ITFG2: variants seen among roughly 807,000 people sequenced by gnomAD.
ITFG2 encodes the protein KICSTOR complex protein ITFG2.
A neutral mutation model predicts 54.4 loss-of-function variants in ITFG2; 36 were observed. The ratio of observed to expected loss-of-function variants is 0.66; its 90% confidence interval spans 0.51 to 0.87. ITFG2 has a LOEUF of 0.87. ITFG2 is among the 40% of genes least tolerant of loss of function. The pLI, the probability that ITFG2 is intolerant of heterozygous loss-of-function variation, is 0.00. For synonymous variants in ITFG2, 211 were observed against 225.4 expected (o/e 0.94, Z 0.57); for missense variants, 524 against 576.7 (o/e 0.91, Z 0.94).
intron 2 of ITFG2, among the ~76,000 whole-genome samples, chr12:2,844,782 G>C (rs1001547576): frequency 2.0e-5 from 3 of 152,046 alleles, no homozygotes; most frequent in Non-Finnish European, 2.9e-5. Context: ...GTGATACTCA[G>C]ACTAAAGAAG....
intron 1 of ITFG2, among the ~76,000 whole-genome samples, chr12:2,839,535 G>A (rs1465335335): frequency 2.0e-5 from 3 of 152,152 alleles, no homozygotes; most frequent in Admixed American, 6.5e-5. Context: ...TGGCTCCTTC[G>A]CTGCATTGGT....
At chr12:2,831,653 C>T (rs1232705834), downstream of ITFG2, among the ~76,000 whole-genome samples, 2 of 152,138 alleles carry the variant, frequency 1.3e-5, no homozygotes, top group Non-Finnish European at 2.9e-5. Context: ...ACCTGTCCCT[C>T]ATCTACAACC....
intron 1 of ITFG2, among the ~76,000 whole-genome samples, chr12:2,816,961 T>G (rs1603482630): frequency 6.6e-6 from 1 of 152,298 alleles, no homozygotes; most frequent in East Asian, 1.9e-4. Context: ...TGGCAAATTT[T>G]TAAATTTTTT....
chr12:2,858,799 C>T, intron 3 of ITFG2: 1 of 1,614,190 alleles, frequency 6.2e-7, no homozygotes, highest in Non-Finnish European at 8.5e-7. Flanking sequence ...GCTGCAAGGC[C>T]AGAAACCTGT....
intron 1 of ITFG2, among the ~76,000 whole-genome samples, chr12:2,837,648 C>A (rs2098031864): frequency 6.6e-6 from 1 of 151,448 alleles, no homozygotes; most frequent in Non-Finnish European, 1.5e-5. Flanking sequence ...AAAAAAAAAA[C>A]CCAAAAAACA....
intron 1 of ITFG2, among the ~76,000 whole-genome samples, chr12:2,815,710 T>C: frequency 6.6e-6 from 1 of 152,232 alleles, no homozygotes; most frequent in Non-Finnish European, 1.5e-5. Context: ...GTCAGGCATG[T>C]GTAACCTAGA....
At chr12:2,827,376 T>C (rs1044549462), downstream of ITFG2, 4 of 1,539,508 alleles carry the variant, frequency 2.6e-6, no homozygotes, top group Admixed American at 4.5e-5. The surrounding 1 kb of genome is among the most constrained non-coding windows in gnomAD (Gnocchi z 4.0). Flanking sequence ...TTGTTCCCCC[T>C]CCCACTTCCC....
chr12:2,833,282 G>C (rs1333250424), upstream of ITFG2, among the ~76,000 whole-genome samples: 2 of 152,112 alleles, frequency 1.3e-5, no homozygotes, highest in Non-Finnish European at 2.9e-5. Flanking sequence ...CAGCCATTGA[G>C]AGCCGAAGAA....
chr12:2,821,892 C>A, intron 9 of ITFG2, 100 bp downstream of exon 9: 2 of 829,916 alleles, frequency 2.4e-6, no homozygotes, highest in South Asian at 1.6e-5. Flanking sequence ...AGGGAACTCC[C>A]AACCTTTATC....
At chr12:2,828,145 AC>A, downstream of ITFG2, 1 of 1,265,004 alleles carries the variant, frequency 7.9e-7, no homozygotes, top group South Asian at 1.3e-5. Context: ...TTCATCTCCA[AC>A]CCCTGACCTC....
At position 2,820,881 on chromosome 12, in the gene ITFG2, G is replaced by T. The variant is rs1292438354; in HGVS notation, c.695+9G>T. The T allele has an allele frequency of 2.5e-6, 4 of 1,613,652 alleles. No homozygotes were observed. The highest frequency in any genetic ancestry group is 3.4e-6 in the Non-Finnish European group (4 of 1,179,688). On this transcript the variant is annotated intron_variant, in intron 6 of 11. Transcript: ENST00000228799. Reference sequence around the variant, plus strand: ...CCCACGGATGGTAGTAGGTAAGGGGGTACAGGCCAGTGGATGGTGTGGGGG... The same window carrying T: ...CCCACGGATGGTAGTAGGTAAGGGGTTACAGGCCAGTGGATGGTGTGGGGG...
intron 10 of ITFG2, 63 bp from the exon 11 acceptor site, chr12:2,823,707 G>C (rs1042421637): frequency 3.9e-5 from 59 of 1,497,556 alleles, no homozygotes; most frequent in Non-Finnish European, 4.5e-5. Flanking sequence ...GTGTCTTGCT[G>C]TCTGCCCCCC....
chr12:2,858,776 CAG>C, intron 3 of ITFG2: 2 of 1,614,194 alleles, frequency 1.2e-6, no homozygotes, highest in Non-Finnish European at 1.7e-6. Context: ...GGCCTTCTGT[CAG>C]AGAACGATTG....
chr12:2,827,364 T>C, downstream of ITFG2: 2 of 1,555,174 alleles, frequency 1.3e-6, no homozygotes. The surrounding 1 kb of genome is among the most constrained non-coding windows in gnomAD (Gnocchi z 4.0). Flanking sequence ...GGCCTGCTCC[T>C]TTTGTTCCCC....
intron 1 of ITFG2, among the ~76,000 whole-genome samples, chr12:2,839,369 G>A (rs941055587): frequency 3.9e-5 from 6 of 152,258 alleles, no homozygotes; most frequent in East Asian, 1.9e-4. Flanking sequence ...AAGAAACTTC[G>A]TCCAACTATT....
chr12:2,821,063 A>G (rs1249541045), intron 6 of ITFG2, among the ~76,000 whole-genome samples, 191 bp downstream of exon 6: 1 of 152,138 alleles, frequency 6.6e-6, no homozygotes, highest in Admixed American at 6.5e-5. Context: ...ACTTTGTAGC[A>G]CCTGAAAGAG....
At chr12:2,854,084 G>A (rs1390351527) in intron 2 of ITFG2, among the ~76,000 whole-genome samples, 1 of 152,164 alleles carries the variant, frequency 6.6e-6, no homozygotes, top group Non-Finnish European at 1.5e-5. Context: ...GGAGTGCAAT[G>A]GCACCATCTT....
chr12:2,839,994 G>A (rs562369085), intron 1 of ITFG2, among the ~76,000 whole-genome samples: 1 of 151,882 alleles, frequency 6.6e-6, no homozygotes, highest in Non-Finnish European at 1.5e-5. Context: ...AGAACTTCCT[G>A]TTGGGTACTG....
At chr12:2,852,743 G>T (rs1400834149) in intron 2 of ITFG2, among the ~76,000 whole-genome samples, 1 of 152,042 alleles carries the variant, frequency 6.6e-6, no homozygotes, top group Admixed American at 6.6e-5. Flanking sequence ...GGTGGCTCAC[G>T]CCTGTAATCC....
Sources: gnomAD v4.1 joint callset for allele counts (sites outside exome capture counted in the v4.1 genomes callset) on GRCh38, gnomAD v4.1.1 for gene constraint, Gnocchi (gnomAD v3.1) non-coding constraint, MANE v1.5 for transcripts, NCBI Gene and HGNC (gene_info 2026-07-23, HGNC 2026-07-21) for gene names.